The following TAMM41 variants were observed in gnomAD, a reference collection of about 807,000 sequenced individuals.
The protein encoded by TAMM41 is phosphatidate cytidylyltransferase, mitochondrial.
In TAMM41, 36 loss-of-function variants were observed where a neutral mutation model predicts 44.1. That is an observed-to-expected ratio of 0.82 (90% CI 0.63 to 1.08). The LOEUF is 1.08. TAMM41 is among the 50% of genes least tolerant of loss of function. TAMM41 has a pLI of 0.00. For missense variants in TAMM41, 417 were observed against 404.3 expected (o/e 1.03, Z -0.27); for synonymous variants, 164 against 153.1 (o/e 1.07, Z -0.53).
At chr3:11,732,989 GT>G in the TAMM41 span, among the ~76,000 whole-genome samples, 8 of 128,462 alleles carry the variant, frequency 6.2e-5, no homozygotes, top group South Asian at 2.5e-4. Flanking sequence ...TATGATTTGA[GT>G]TTTTTTTTTG....
chr3:11,737,590 G>T, the TAMM41 span, among the ~76,000 whole-genome samples: 1 of 152,164 alleles, frequency 6.6e-6, no homozygotes, highest in African/African-American at 2.4e-5. Context: ...AAAGTGCTGG[G>T]ATTACAGGTG....
At chr3:11,832,387 G>C (rs905395104) in intron 3 of TAMM41, among the ~76,000 whole-genome samples, 4 of 152,140 alleles carry the variant, frequency 2.6e-5, no homozygotes, top group African/African-American at 7.2e-5. Context: ...TGTAAGCACG[G>C]TATTAGGTAT....
the TAMM41 span, among the ~76,000 whole-genome samples, chr3:11,765,104 A>G: frequency 3.9e-4 from 60 of 152,294 alleles, no homozygotes; most frequent in Non-Finnish European, 7.5e-4. Flanking sequence ...TGAGCCTCCA[A>G]TGAAACCAAG....
chr3:11,821,813 G>C (rs2078533065), intron 4 of TAMM41, among the ~76,000 whole-genome samples: 1 of 152,144 alleles, frequency 6.6e-6, no homozygotes, highest in African/African-American at 2.4e-5. Flanking sequence ...CAGGAGCTGT[G>C]CTAGGCAATG....
the TAMM41 span, among the ~76,000 whole-genome samples, chr3:11,735,071 A>C: frequency 6.6e-6 from 1 of 151,186 alleles, no homozygotes; most frequent in South Asian, 2.1e-4. Flanking sequence ...AACAAAAAGC[A>C]AATGTGACTC....
intron 6 of TAMM41, chr3:11,808,121 G>A (rs1049352454): frequency 4.8e-6 from 5 of 1,047,488 alleles, no homozygotes; most frequent in Non-Finnish European, 5.2e-6. Context: ...AGTCCAAGCC[G>A]ATGACCGAAC....
chr3:11,724,511 G>A, the TAMM41 span, among the ~76,000 whole-genome samples: 1 of 152,020 alleles, frequency 6.6e-6, no homozygotes, highest in Non-Finnish European at 1.5e-5. Flanking sequence ...CACCTCCTGG[G>A]TTCAAGCAAT....
the TAMM41 span, among the ~76,000 whole-genome samples, chr3:11,733,144 G>A: frequency 7.7e-3 from 1,163 of 151,754 alleles, 18 homozygotes; most frequent in African/African-American, 0.026. Context: ...GACTACAGGC[G>A]CCTGCCACCA....
intron 4 of TAMM41, among the ~76,000 whole-genome samples, chr3:11,827,477 T>C (rs2078803929): frequency 6.6e-6 from 1 of 151,732 alleles, no homozygotes; most frequent in Non-Finnish European, 1.5e-5. Context: ...GCCTGACTAA[T>C]TTTTGTATTT....
chr3:11,777,920 C>T, the TAMM41 span, among the ~76,000 whole-genome samples: 1 of 152,152 alleles, frequency 6.6e-6, no homozygotes, highest in Non-Finnish European at 1.5e-5. Flanking sequence ...TCCTAAGCCC[C>T]CAAGCCCCCC....
At chr3:11,816,385 A>G (rs1361121803) in intron 5 of TAMM41, among the ~76,000 whole-genome samples, 1 of 152,264 alleles carries the variant, frequency 6.6e-6, no homozygotes, top group Non-Finnish European at 1.5e-5. Flanking sequence ...TTGAATATGT[A>G]TGAGCCCATT....
the TAMM41 span, among the ~76,000 whole-genome samples, chr3:11,726,800 CAAA>C: frequency 0.23 from 21,277 of 92,858 alleles, 1,726 homozygotes; most frequent in East Asian, 0.47. Flanking sequence ...GACTCTGTCT[CAAA>C]AAAAAAAAAA....
chr3:11,754,117 C>A, the TAMM41 span, among the ~76,000 whole-genome samples: 9 of 152,150 alleles, frequency 5.9e-5, no homozygotes, highest in Non-Finnish European at 1.0e-4. Context: ...GTAACCGAGA[C>A]CCCCTGCTCC....
intron 3 of TAMM41, among the ~76,000 whole-genome samples, chr3:11,837,471 C>CT (rs570823732): frequency 4.4e-3 from 647 of 147,144 alleles, no homozygotes; most frequent in African/African-American, 0.012. Flanking sequence ...TTCTCTCCCA[C>CT]TTTTTTTTTT....
intron 7 of TAMM41, chr3:11,807,451 A>C (rs573288886): frequency 3.2e-4 from 441 of 1,389,198 alleles, no homozygotes; most frequent in Non-Finnish European, 3.7e-4. Context: ...AAAATAACCC[A>C]CTAAGACAGA....
At chr3:11,798,358 G>A (rs2077662212) in intron 7 of TAMM41, among the ~76,000 whole-genome samples, 1 of 152,132 alleles carries the variant, frequency 6.6e-6, no homozygotes, top group South Asian at 2.1e-4. Flanking sequence ...GGATATAGAT[G>A]GAGCTGGAGG....
At chr3:11,751,071 A>G in the TAMM41 span, among the ~76,000 whole-genome samples, 5 of 150,274 alleles carry the variant, frequency 3.3e-5, no homozygotes, top group African/African-American at 1.2e-4. Flanking sequence ...AGTCCTTTCC[A>G]GAAGCTTACA....
At chr3:11,816,014 T>C (rs559891690) in intron 5 of TAMM41, among the ~76,000 whole-genome samples, 1 of 152,330 alleles carries the variant, frequency 6.6e-6, no homozygotes, top group Non-Finnish European at 1.5e-5. Context: ...GCAAAATCTG[T>C]TAAACTGAGT....
chr3:11,749,251 C>T, the TAMM41 span, among the ~76,000 whole-genome samples: 1 of 152,128 alleles, frequency 6.6e-6, no homozygotes, highest in African/African-American at 2.4e-5. Context: ...TACAGTTGAG[C>T]AAAGAGGCTC....
Sources: gnomAD v4.1 joint callset for allele counts (sites outside exome capture counted in the v4.1 genomes callset) on GRCh38, gnomAD v4.1.1 for gene constraint, MANE v1.5 for transcripts, NCBI Gene and HGNC (gene_info 2026-07-23, HGNC 2026-07-21) for gene names.